The following TRIM46 variants were observed in gnomAD, a reference collection of about 807,000 sequenced individuals.
TRIM46 encodes the protein tripartite motif-containing protein 46.
TRIM46 carries 17 observed loss-of-function variants against 69.7 expected under a neutral mutation model. The observed-to-expected ratio is 0.24, with a 90% confidence interval of 0.17 to 0.37. TRIM46 has a LOEUF of 0.37. TRIM46 is among the 10% of genes least tolerant of loss of function. The pLI, the probability that TRIM46 is intolerant of heterozygous loss-of-function variation, is 1.00. For missense variants in TRIM46, 675 were observed against 1,025.1 expected (o/e 0.66, Z 4.66); for synonymous variants, 391 against 429.0 (o/e 0.91, Z 1.09).
intron 9 of TRIM46, chr1:155,182,913 GT>G (rs71077987): frequency 1.1e-3 from 139 of 120,958 alleles, no homozygotes; most frequent in South Asian, 2.1e-3. Context: ...CCAACTCCCT[GT>G]TTTTTTTTTT....
Position 155,178,093 on chromosome 1 carries a change from C to T in TRIM46, c.1001C>T (p.Ala334Val). The T allele has an allele frequency of 1.2e-6, 2 of 1,614,136 alleles. No homozygotes were observed. Among genetic ancestry groups the T allele is most frequent in the Middle Eastern group, 1.7e-4 (1 of 6,038 alleles). The change falls in exon 6 of 10, where the codon GCC (alanine) becomes GTC (valine). Residue 334 changes from alanine (A) to valine (V), a missense_variant. Ala to Val is a moderately conservative substitution (Grantham distance 64). This residue lies in a region of TRIM46 where 361 missense variants were observed against 498.3 expected (regional missense o/e 0.72). Coordinates refer to ENST00000334634, the MANE Select transcript of TRIM46 (RefSeq NM_025058.5). ...GAGAAGCGGGCATCACTGCTTCAGG[C>T]CATTGAAGAATGCCAGCAGGAGCGG... ...LEEKRASLLQ[A>V]IEECQQERLA...
chr1:155,183,118 G>T (rs544130617), intron 9 of TRIM46, among the ~76,000 whole-genome samples: 30 of 151,934 alleles, frequency 2.0e-4, no homozygotes, highest in Non-Finnish European at 3.5e-4. Context: ...CACCGTGTTA[G>T]CCAGGATGGT....
Position 155,173,973 on chromosome 1 carries a change from G to A in TRIM46, c.7G>A (p.Glu3Lys), listed in dbSNP as rs1665398889. 6.3e-7 allele frequency: 1 copy of A among 1,575,062 alleles called. No individual in the cohort carries two copies. The highest frequency in any genetic ancestry group is 8.6e-7 in the Non-Finnish European group (1 of 1,161,418). Residue 3 changes from glutamate to lysine, a missense_variant, in exon 1 of 10, where the codon GAG becomes AAG. This residue lies in a region of TRIM46 where 170 missense variants were observed against 255.6 expected (regional missense o/e 0.67). Coordinates refer to ENST00000334634, the MANE Select transcript of TRIM46 (RefSeq NM_025058.5). ...GGGCGGGCACGGTAGGGCCATGGCAGAGGGTGAGGATATGCAGACCTTCAC... is the reference window on the plus strand; with the variant it reads ...GGGCGGGCACGGTAGGGCCATGGCAAAGGGTGAGGATATGCAGACCTTCAC... The part of the protein sequence containing the change: MA[E>K]GEDMQTFTSI...
rs1398864836 is a variant in TRIM46, at chr1:155,178,638, C to A, written c.1285+25C>A. The A allele has an allele frequency of 2.5e-6, 4 of 1,609,382 alleles. No individual in the cohort carries two copies. The East Asian group carries it at 8.9e-5, about 36-fold the overall frequency. ...GGTAAGGAGATGGCCAGGCCCCATG[C>A]CCAACCAGAGCCTTCTTCCCTTCCT... On this transcript the variant is annotated intron_variant, in intron 7 of 9. Transcript: ENST00000334634.
In TRIM46 at chr1:155,177,218, A is replaced by G. The variant is rs1404493395; in HGVS notation, c.837A>G (p.Thr279=). The change falls in exon 5 of 10, where the codon ACA becomes ACG. Residue 279 remains threonine, a synonymous_variant. Coordinates refer to ENST00000334634, the MANE Select transcript of TRIM46 (RefSeq NM_025058.5). The stretch of plus-strand genomic sequence containing the variant: ...AGGACAAGCTGACAAAGAGCCTGAC[A>G]TACATCCTGGGAAACCAGGACACGG... The part of the protein sequence containing the change: ...ALKDKLTKSL[T]YILGNQDTVQ... 2 of 1,614,186 alleles carry G rather than the reference A, an allele frequency of 1.2e-6. No individual in the cohort carries two copies. Among genetic ancestry groups the G allele is most frequent in the Non-Finnish European group, 8.5e-7 (1 of 1,180,036 alleles).
At position 155,175,495 on chromosome 1, in the gene TRIM46, G is replaced by A. The variant is rs374806111; in HGVS notation, c.173G>A (p.Arg58Gln). Residue 58 changes from arginine (R) to glutamine (Q), a missense_variant, in exon 2 of 10, where the codon CGA becomes CAA. Physicochemically the swap from Arg to Gln is conservative, Grantham distance 43. Transcript: ENST00000334634. This position sits in a 1 kb window ranked among gnomAD's most constrained non-coding sequence, Gnocchi z 4.2. ...CACAACGTGTGCCAGGCCTGTGCCC[G>A]AGAGGTCTTGGGCCAGCAGGGCTAC... ...CTHNVCQACA[R>Q]EVLGQQGYIG... 6.2e-6 allele frequency: 10 copies of A among 1,614,030 alleles called. No homozygotes were observed. Among genetic ancestry groups the A allele is most frequent in the African/African-American group, 4.0e-5 (3 of 74,920 alleles).
chr1:155,175,547 C>T lies in TRIM46; in HGVS notation c.225C>T (p.Ser75=), dbSNP rs755220476. Residue 75 remains serine, a synonymous_variant, in exon 2 of 10, where the codon TCC becomes TCT. Coordinates refer to ENST00000334634, the MANE Select transcript of TRIM46 (RefSeq NM_025058.5). The surrounding 1 kb of genome is among the most constrained non-coding windows in gnomAD (Gnocchi z 4.2). ...GYIGHGGDPS[S]EPTSPASTPS... ...TAGGACATGGTGGGGACCCCAGCTC[C>T]GAGCCCACCTCTCCTGCCTCCACCC... 5.9e-5 allele frequency: 96 copies of T among 1,613,700 alleles called. No individual in the cohort carries two copies. Among genetic ancestry groups the T allele is most frequent in the Non-Finnish European group, 7.3e-5 (86 of 1,179,876 alleles).
Position 155,184,290 on chromosome 1 carries a change from C to A in TRIM46, c.*100C>A. The A allele has an allele frequency of 7.7e-7, 1 of 1,290,454 alleles. No homozygotes were observed. The highest frequency in any genetic ancestry group is 1.0e-6 in the Non-Finnish European group (1 of 963,308). 79.9% of individuals were successfully genotyped at this position (1,290,454 alleles called of 1,614,324 possible). On this transcript the variant is annotated 3_prime_UTR_variant, in exon 10 of 10. Transcript: ENST00000334634. This position sits in a 1 kb window ranked among gnomAD's most constrained non-coding sequence, Gnocchi z 5.6. ...ACCCCCTGGCAGCTTCTCCCCCAAA[C>A]TCTCCTACCATGTGGCCCTGCTCCT...
Position 155,174,010 on chromosome 1 carries a change from AC to A in TRIM46, c.45del (p.Asp15GlufsTer10). On this transcript the variant is annotated frameshift_variant, in exon 1 of 10. Coordinates refer to ENST00000334634, the MANE Select transcript of TRIM46 (RefSeq NM_025058.5). LOFTEE classifies it high-confidence loss of function. Reference sequence around the variant, plus strand: ...ATGCAGACCTTCACTTCCATCATGGACGCACTGGTCCGCATCAGTGTGAGTT... The same window carrying A: ...ATGCAGACCTTCACTTCCATCATGGAGCACTGGTCCGCATCAGTGTGAGTT... ...EDMQTFTSIMDALVRISTSMK... is the reference protein window; with the variant it reads ...EDMQTFTSIMXALVRISTSMK... 6.4e-7 allele frequency: 1 copy of A among 1,569,218 alleles called. No individual in the cohort carries two copies. Among genetic ancestry groups the A allele is most frequent in the Non-Finnish European group, 8.6e-7 (1 of 1,157,832 alleles).
chr1:155,180,077 G>C (rs1214532304), intron 8 of TRIM46, 143 bp downstream of exon 8: 3 of 1,024,934 alleles, frequency 2.9e-6, no homozygotes, highest in Non-Finnish European at 4.1e-6. Flanking sequence ...TAGACTGCTT[G>C]GGTTCAAATC....
In TRIM46 at chr1:155,176,945, C is replaced by T; in HGVS notation, c.683C>T (p.Pro228Leu). ...TTGTGTCCCTAGGGCCTTATGTGCC[C>T]AGACCACAAGGAAGAGGTGACCCAC... ...LSFRPKGLMC[P>L]DHKEEVTHYC... The change falls in exon 4 of 10, where the codon CCA becomes CTA. Residue 228 changes from proline to leucine, a missense_variant. By Grantham distance (98) the Pro-to-Leu change is moderately conservative. This residue lies in a region of TRIM46 where 361 missense variants were observed against 498.3 expected (regional missense o/e 0.72). Coordinates refer to ENST00000334634, the MANE Select transcript of TRIM46 (RefSeq NM_025058.5). The T allele has an allele frequency of 6.2e-7, 1 of 1,614,128 alleles. No individual in the cohort carries two copies.
Position 155,178,145 on chromosome 1 carries a change from G to C in TRIM46, c.1053G>C (p.Gln351His). The C allele has an allele frequency of 6.2e-7, 1 of 1,614,162 alleles. No homozygotes were observed. Among genetic ancestry groups the C allele is most frequent in the Non-Finnish European group, 8.5e-7 (1 of 1,180,004 alleles). ...ERLARLSAQI[Q>H]EHRSLLDGSG... ...TGGCCCGTCTCAGCGCCCAGATCCA[G>C]GAGCACCGGAGCCTGCTGGATGGCT... Residue 351 changes from glutamine (Q) to histidine (H), a missense_variant, in exon 6 of 10, where the codon CAG becomes CAC. Gln to His is a conservative substitution (Grantham distance 24, BLOSUM62 0). This residue lies in a region of TRIM46 where 361 missense variants were observed against 498.3 expected (regional missense o/e 0.72). Coordinates refer to ENST00000334634, the MANE Select transcript of TRIM46 (RefSeq NM_025058.5).
chr1:155,180,552 G>A (rs542438485), intron 8 of TRIM46: 23 of 314,922 alleles, frequency 7.3e-5, no homozygotes, highest in East Asian at 7.3e-4. Flanking sequence ...CTGAGATCGC[G>A]CCACTGGACT....
At position 155,175,990 on chromosome 1, in the gene TRIM46, G is replaced by A. The variant is rs1223385762; in HGVS notation, c.428G>A (p.Gly143Asp). The change falls in exon 3 of 10, where the codon GGT becomes GAT. Residue 143 changes from glycine to aspartate, a missense_variant. Physicochemically the swap from Gly to Asp is moderately conservative, Grantham distance 94. Around this residue, in one of 5 missense-constraint regions of TRIM46, gnomAD observed 170 missense variants for 255.6 expected, o/e 0.67. Coordinates refer to ENST00000334634, the MANE Select transcript of TRIM46 (RefSeq NM_025058.5). The surrounding 1 kb of genome is among the most constrained non-coding windows in gnomAD (Gnocchi z 4.2). ...GGTGATGTGGAGCTTGGGGAGCGGG[G>A]TCTGGCAGGGCTTTTCCGGAACCTG... ...CQGDVELGER[G>D]LAGLFRNLTL... The A allele has an allele frequency of 6.2e-7, 1 of 1,613,770 alleles. No homozygotes were observed. The highest frequency in any genetic ancestry group is 8.5e-7 in the Non-Finnish European group (1 of 1,179,716).
At chr1:155,178,941 T>C (rs1665922892) in intron 7 of TRIM46, 1 of 890,898 alleles carries the variant, frequency 1.1e-6, no homozygotes, top group Admixed American at 2.4e-5. Flanking sequence ...ACTCATTGCT[T>C]CCTTCTCTTT....
rs778792957 is a variant in TRIM46 at position 155,181,980 on chromosome 1, G to A, written c.1717G>A (p.Gly573Ser). The change falls in exon 9 of 10, where the codon GGC (glycine) becomes AGC (serine). Residue 573 changes from glycine (G) to serine (S), a missense_variant. Physicochemically the swap from Gly to Ser is moderately conservative, Grantham distance 56. Around this residue, in one of 5 missense-constraint regions of TRIM46, gnomAD observed 361 missense variants for 498.3 expected, o/e 0.72. Transcript: ENST00000334634. This position sits in a 1 kb window ranked among gnomAD's most constrained non-coding sequence, Gnocchi z 4.3. ...GCTGGCTGCTGACCGGCTGCTGACC[G>A]GCTGCCACCTGAGTGTGGATGTGGT... ...LLLAADRLLT[G>S]CHLSVDVVLG... 2.5e-5 allele frequency: 41 copies of A among 1,613,614 alleles called. No individual in the cohort carries two copies. The highest frequency in any genetic ancestry group is 3.2e-5 in the Non-Finnish European group (38 of 1,179,934).
At chr1:155,182,937 G>T (rs1271811465) in intron 9 of TRIM46, 1 of 138,506 alleles carries the variant, frequency 7.2e-6, no homozygotes, top group Non-Finnish European at 1.5e-5. Flanking sequence ...TTGAAATGGA[G>T]TCTCGCTCTG....
intron 8 of TRIM46, chr1:155,180,503 G>A (rs2147791927): frequency 2.5e-6 from 1 of 401,182 alleles, no homozygotes; most frequent in Non-Finnish European, 4.5e-6. Context: ...GCTGAGGTAG[G>A]AGAATCGCTT....
chr1:155,183,186 A>G (rs570718617), intron 9 of TRIM46, among the ~76,000 whole-genome samples: 481 of 152,060 alleles, frequency 3.2e-3, no homozygotes, highest in Non-Finnish European at 4.3e-3. Flanking sequence ...CTGGGATTAC[A>G]GGCGTGAGCC....
Sources: allele counts gnomAD v4.1 joint callset (sites outside exome capture counted in the v4.1 genomes callset), GRCh38; gene constraint gnomAD v4.1.1; regional missense constraint gnomAD v4.1.1; non-coding constraint Gnocchi (gnomAD v3.1); transcripts MANE v1.5; gene names NCBI Gene and HGNC (gene_info 2026-07-23, HGNC 2026-07-21).